Variants in PCNX2 observed in about 807,000 individuals in gnomAD.
PCNX2 encodes the protein pecanex 2, also known as pecanex-like protein 2.
In PCNX2, 168 loss-of-function variants were observed where a neutral mutation model predicts 223.8. The observed-to-expected ratio is 0.75, with a 90% CI of 0.66 to 0.85. The LOEUF is 0.85. PCNX2 is among the 40% of genes least tolerant of loss of function. PCNX2 has a pLI of 0.00. For synonymous variants in PCNX2, 1,006 were observed against 1,052.6 expected (o/e 0.96, Z 0.86); for missense variants, 2,507 against 2,675.5 (o/e 0.94, Z 1.39).
At chr1:233,133,424 T>TA (rs750006995) in intron 21 of PCNX2, among the ~76,000 whole-genome samples, 44 of 152,030 alleles carry the variant, frequency 2.9e-4, no homozygotes, top group Non-Finnish European at 5.0e-4. Context: ...AAACAGGAAA[T>TA]AAATGTTTGA....
chr1:233,031,756 C>G (rs1671273300), intron 25 of PCNX2: 1 of 984,764 alleles, frequency 1.0e-6, no homozygotes, highest in Non-Finnish European at 1.2e-6. Flanking sequence ...TGCCAGACCT[C>G]CTTGCTTTGG....
At chr1:233,261,208 G>C (rs1178359736) in intron 4 of PCNX2, 77 bp downstream of exon 4, 1 of 1,290,502 alleles carries the variant, frequency 7.7e-7, no homozygotes, top group African/African-American at 1.5e-5. Context: ...TAATCCACTG[G>C]CATTCTGTTT....
intron 27 of PCNX2, 121 bp downstream of exon 27, chr1:233,016,800 C>T: frequency 1.4e-6 from 2 of 1,448,142 alleles, no homozygotes; most frequent in Non-Finnish European, 1.8e-6. Flanking sequence ...CCAAATAGTG[C>T]TTTTTTTCTA....
chr1:233,134,671 G>A (rs899892600), intron 21 of PCNX2: 6 of 327,056 alleles, frequency 1.8e-5, no homozygotes, highest in African/African-American at 1.1e-4. Flanking sequence ...GGGAGGGAGG[G>A]AGAGACCAGT....
chr1:233,019,576 G>A (rs1670802555), intron 26 of PCNX2, among the ~76,000 whole-genome samples: 1 of 152,098 alleles, frequency 6.6e-6, no homozygotes, highest in Non-Finnish European at 1.5e-5. Context: ...GTTGATATGT[G>A]TATATGTGGA....
chr1:233,092,923 C>T (rs1299247682), intron 22 of PCNX2, among the ~76,000 whole-genome samples: 1 of 152,160 alleles, frequency 6.6e-6, no homozygotes, highest in Non-Finnish European at 1.5e-5. Context: ...CTCAGCCTCC[C>T]CAGTAGCTGG....
chr1:233,162,174 T>C (rs187247417), intron 17 of PCNX2, among the ~76,000 whole-genome samples: 76 of 152,224 alleles, frequency 5.0e-4, no homozygotes, highest in Non-Finnish European at 9.4e-4. Context: ...TGAATGCAGA[T>C]AGATGGAGAA....
chr1:233,299,423 G>T (rs1257004547), upstream of PCNX2, among the ~76,000 whole-genome samples: 2 of 152,190 alleles, frequency 1.3e-5, no homozygotes, highest in Non-Finnish European at 2.9e-5. Flanking sequence ...GAAGAAAGGA[G>T]CAACTCTAGC....
At chr1:233,177,724 T>G in intron 17 of PCNX2, 78 bp downstream of exon 17, 2 of 1,260,084 alleles carry the variant, frequency 1.6e-6, no homozygotes, top group South Asian at 2.6e-5. Context: ...TCCACCTGCC[T>G]AGAGCTCCAT....
chr1:233,220,535 A>T (rs1657305576), intron 10 of PCNX2, among the ~76,000 whole-genome samples: 1 of 151,738 alleles, frequency 6.6e-6, no homozygotes. Context: ...CCTAAGGACT[A>T]TTGATGTTGA....
At chr1:233,226,518 C>T (rs527970626) in intron 10 of PCNX2, among the ~76,000 whole-genome samples, 3 of 152,172 alleles carry the variant, frequency 2.0e-5, no homozygotes, top group Non-Finnish European at 4.4e-5. Flanking sequence ...GATCTGCCCG[C>T]CTCAGCCTCC....
chr1:233,204,027 T>A (rs1681299721), intron 13 of PCNX2, among the ~76,000 whole-genome samples: 2 of 152,212 alleles, frequency 1.3e-5, no homozygotes, highest in South Asian at 4.1e-4. Flanking sequence ...ATAGGTTGAA[T>A]TATGTTCCCA....
intron 19 of PCNX2, among the ~76,000 whole-genome samples, chr1:233,143,268 G>A (rs978411301): frequency 5.3e-5 from 8 of 152,102 alleles, no homozygotes; most frequent in African/African-American, 1.2e-4. Context: ...ATAGCTGTAC[G>A]TTGAAATCAC....
Position 232,986,279 on chromosome 1 carries a change from C to T in PCNX2, c.6053G>A (p.Arg2018Lys), listed in dbSNP as rs535048281. The T allele has an allele frequency of 4.7e-5, 74 of 1,562,800 alleles. No individual in the cohort carries two copies. The African/African-American group carries it at 6.5e-4, about 14-fold the overall frequency. ...SVRERAEALI[R>K]SSLGSSTSST... Reference sequence around the variant, plus strand: ...GCTGGTGGAGGAGCCCAGGCTGGACCTGATGAGCGCCTCGGCCCGCTCACG... The same window carrying T: ...GCTGGTGGAGGAGCCCAGGCTGGACTTGATGAGCGCCTCGGCCCGCTCACG... The change falls in exon 33 of 34, where the codon AGG (arginine) becomes AAG (lysine). Residue 2018 changes from arginine to lysine, a missense_variant. Coordinates refer to ENST00000258229, the MANE Select transcript of PCNX2 (RefSeq NM_014801.4).
At chr1:233,045,312 T>G (rs1028266032) in intron 25 of PCNX2, among the ~76,000 whole-genome samples, 7 of 152,222 alleles carry the variant, frequency 4.6e-5, no homozygotes, top group African/African-American at 1.7e-4. Context: ...AATCTTCCAC[T>G]TTCTGCCAGC....
intron 25 of PCNX2, among the ~76,000 whole-genome samples, chr1:233,033,428 G>A (rs1371678655): frequency 6.6e-6 from 1 of 152,188 alleles, no homozygotes; most frequent in African/African-American, 2.4e-5. Flanking sequence ...TTCACTCCGG[G>A]CTTTCCAGAA....
chr1:233,170,918 G>A (rs551862475), intron 17 of PCNX2, among the ~76,000 whole-genome samples: 14 of 152,268 alleles, frequency 9.2e-5, no homozygotes, highest in Admixed American at 3.9e-4. Flanking sequence ...TTAATGGTAC[G>A]GGCTGAGCAG....
intron 22 of PCNX2, among the ~76,000 whole-genome samples, chr1:233,091,724 C>A (rs1396769853): frequency 8.9e-6 from 1 of 112,326 alleles, no homozygotes; most frequent in African/African-American, 3.5e-5. Context: ...CAGAGTGAGA[C>A]CCTCCCTCAA....
At chr1:233,289,785 G>A (rs1558430005) in intron 1 of PCNX2, among the ~76,000 whole-genome samples, 1 of 151,524 alleles carries the variant, frequency 6.6e-6, no homozygotes, top group Non-Finnish European at 1.5e-5. Context: ...GACTAGAACA[G>A]AGGTAACCTT....
Sources: gnomAD v4.1 joint callset for allele counts (sites outside exome capture counted in the v4.1 genomes callset) on GRCh38, gnomAD v4.1.1 for gene constraint, MANE v1.5 for transcripts, NCBI Gene and HGNC (gene_info 2026-07-23, HGNC 2026-07-21) for gene names.